The following CCDC192 variants were observed in gnomAD, a reference collection of about 807,000 sequenced individuals.
The protein encoded by CCDC192 is coiled-coil domain-containing protein 192.
chr5:127,791,600 C>T (rs181282329), intron 3 of CCDC192, among the ~76,000 whole-genome samples: 31 of 152,118 alleles, frequency 2.0e-4, no homozygotes, highest in African/African-American at 5.5e-4. Context: ...GGTCACTGGC[C>T]GCAGAAATAT....
chr5:127,778,870 T>C (rs1756023167), intron 3 of CCDC192, among the ~76,000 whole-genome samples: 1 of 152,174 alleles, frequency 6.6e-6, no homozygotes, highest in Admixed American at 6.5e-5. Context: ...TAGGAATTTA[T>C]TCAGTTCATC....
At chr5:127,709,397 A>AC (rs1225033802) in intron 2 of CCDC192, among the ~76,000 whole-genome samples, 1 of 152,166 alleles carries the variant, frequency 6.6e-6, no homozygotes, top group Non-Finnish European at 1.5e-5. Flanking sequence ...TCCTCCTGCA[A>AC]CGCTGGGAAT....
chr5:127,928,115 A>T (rs1166986943), intron 6 of CCDC192, among the ~76,000 whole-genome samples: 1 of 151,824 alleles, frequency 6.6e-6, no homozygotes, highest in Non-Finnish European at 1.5e-5. Context: ...TTTAGTAGAG[A>T]TGGGGTTTTA....
chr5:127,767,705 T>C (rs1388810053), intron 3 of CCDC192, among the ~76,000 whole-genome samples: 1 of 152,206 alleles, frequency 6.6e-6, no homozygotes, highest in Non-Finnish European at 1.5e-5. Flanking sequence ...TCTCTTTGCC[T>C]GCATCCCTAA....
At chr5:127,757,505 T>C (rs951783033) in intron 3 of CCDC192, among the ~76,000 whole-genome samples, 1 of 152,112 alleles carries the variant, frequency 6.6e-6, no homozygotes, top group Non-Finnish European at 1.5e-5. Flanking sequence ...ATGTTTAGTC[T>C]CTTCCTTGAA....
At chr5:127,753,273 T>A (rs1323108690) in intron 2 of CCDC192, among the ~76,000 whole-genome samples, 1 of 152,224 alleles carries the variant, frequency 6.6e-6, no homozygotes, top group Non-Finnish European at 1.5e-5. Context: ...TCATATTTCT[T>A]TCTAATTATT....
intron 2 of CCDC192, among the ~76,000 whole-genome samples, chr5:127,743,907 C>T (rs376699557): frequency 6.6e-6 from 1 of 151,738 alleles, no homozygotes; most frequent in Admixed American, 6.6e-5. Flanking sequence ...TGGCTTAACA[C>T]GGTGAAACCC....
chr5:127,902,840 G>A (rs1306741879), intron 6 of CCDC192, among the ~76,000 whole-genome samples: 2 of 152,206 alleles, frequency 1.3e-5, no homozygotes, highest in Non-Finnish European at 2.9e-5. Flanking sequence ...GGCTTTGAGA[G>A]TGTAGGTCAA....
chr5:127,872,354 G>A (rs941923378), intron 5 of CCDC192, among the ~76,000 whole-genome samples: 1 of 152,142 alleles, frequency 6.6e-6, no homozygotes, highest in South Asian at 2.1e-4. Context: ...GGACGCACAG[G>A]CTTTGTTAAC....
chr5:127,751,688 T>C (rs1754181915), intron 2 of CCDC192, among the ~76,000 whole-genome samples: 1 of 151,964 alleles, frequency 6.6e-6, no homozygotes, highest in African/African-American at 2.4e-5. Flanking sequence ...GAAATTCTCC[T>C]GGATAATATC....
chr5:127,909,203 G>GAAA (rs772428381), intron 6 of CCDC192, among the ~76,000 whole-genome samples: 6 of 152,128 alleles, frequency 3.9e-5, no homozygotes, highest in Non-Finnish European at 8.8e-5. Context: ...ACACACCCAG[G>GAAA]TGGGTCTGGG....
intron 3 of CCDC192, among the ~76,000 whole-genome samples, chr5:127,771,900 G>A (rs996988521): frequency 6.6e-6 from 1 of 152,164 alleles, no homozygotes; most frequent in African/African-American, 2.4e-5. Context: ...TCTCCACGAG[G>A]CCAGAGTTCC....
At chr5:127,777,929 G>C (rs1363215619) in intron 3 of CCDC192, among the ~76,000 whole-genome samples, 1 of 151,346 alleles carries the variant, frequency 6.6e-6, no homozygotes, top group African/African-American at 2.4e-5. Flanking sequence ...TCCAGTCTCA[G>C]GTATGTCTTT....
intron 5 of CCDC192, among the ~76,000 whole-genome samples, chr5:127,856,863 A>C (rs1194598238): frequency 6.6e-6 from 1 of 152,194 alleles, no homozygotes; most frequent in African/African-American, 2.4e-5. Context: ...AAACAATAAC[A>C]ATAGTAATAT....
At chr5:127,915,917 T>C (rs1580823227) in intron 6 of CCDC192, among the ~76,000 whole-genome samples, 1 of 152,174 alleles carries the variant, frequency 6.6e-6, no homozygotes, top group East Asian at 1.9e-4. Flanking sequence ...TGGCAATTTT[T>C]TAAACTAAGA....
At chr5:127,807,146 G>T (rs762767806) in intron 5 of CCDC192, among the ~76,000 whole-genome samples, 1 of 152,180 alleles carries the variant, frequency 6.6e-6, no homozygotes. Context: ...TTAGCAGAGT[G>T]CCAGAACATA....
chr5:127,853,372 C>A (rs1009958587), intron 5 of CCDC192, among the ~76,000 whole-genome samples: 2 of 152,188 alleles, frequency 1.3e-5, no homozygotes, highest in Non-Finnish European at 2.9e-5. Context: ...GCACTCTTAA[C>A]AAGTTGTCTA....
intron 6 of CCDC192, among the ~76,000 whole-genome samples, chr5:127,916,846 T>A (rs954208963): frequency 6.6e-6 from 1 of 152,208 alleles, no homozygotes; most frequent in African/African-American, 2.4e-5. Context: ...TTTGGAATGG[T>A]AAATGCACAT....
intron 3 of CCDC192, among the ~76,000 whole-genome samples, chr5:127,780,569 A>G (rs752033416): frequency 1.7e-4 from 26 of 152,118 alleles, no homozygotes; most frequent in Non-Finnish European, 2.9e-4. Flanking sequence ...TTTCCTGATC[A>G]TTAGTGATGT....
Sources: allele counts gnomAD v4.1 joint callset (sites outside exome capture counted in the v4.1 genomes callset), GRCh38; gene constraint gnomAD v4.1.1; transcripts MANE v1.5; gene names NCBI Gene and HGNC (gene_info 2026-07-23, HGNC 2026-07-21).